The following ZNF468 variants were observed in gnomAD, a reference collection of about 807,000 sequenced individuals.
The protein encoded by ZNF468 is zinc finger protein ZNF468.
Under a neutral mutation model 7.2 loss-of-function variants are expected in ZNF468, and 8 were observed. The observed-to-expected ratio is 1.11, with a 90% confidence interval of 0.65 to 2.01. The LOEUF (loss-of-function observed/expected upper bound fraction) is 2.01, where lower values mean the gene tolerates loss of function less well. ZNF468 is among the 30% of genes most tolerant of loss of function. The pLI is 0.00. For missense variants in ZNF468, 608 were observed against 626.5 expected (o/e 0.97, Z 0.31); for synonymous variants, 218 against 214.4 (o/e 1.02, Z -0.15).
At chr19:52,843,792 T>G (rs528279006) in intron 3 of ZNF468, among the ~76,000 whole-genome samples, 4 of 152,136 alleles carry the variant, frequency 2.6e-5, no homozygotes, top group Non-Finnish European at 5.9e-5. Flanking sequence ...TTCTGATATA[T>G]GAGGTCAAGA....
chr19:52,847,791 T>C (rs2063352912), intron 3 of ZNF468, among the ~76,000 whole-genome samples: 5 of 152,148 alleles, frequency 3.3e-5, no homozygotes, highest in Admixed American at 1.3e-4. Flanking sequence ...GCTCACATGT[T>C]TCCCTGCTGA....
In ZNF468 at chr19:52,854,324, C is replaced by T. The variant is rs746054060; in HGVS notation, c.-52G>A. On this transcript the variant is annotated 5_prime_UTR_variant, in exon 2 of 4. Coordinates refer to ENST00000595646, the MANE Select transcript of ZNF468 (RefSeq NM_001008801.2). ...TCTTCTGGGTTTCTTTCTCACGTACCAACAGTCTTTAGAAGTCAATCCTGA... is the reference window on the plus strand; with the variant it reads ...TCTTCTGGGTTTCTTTCTCACGTACTAACAGTCTTTAGAAGTCAATCCTGA... 11 of 1,612,722 alleles carry T rather than the reference C, an allele frequency of 6.8e-6. No homozygotes were observed. The South Asian group carries it at 9.9e-5, about 14-fold the overall frequency.
In ZNF468 at chr19:52,851,305, G is replaced by A. The variant is rs75369074; in HGVS notation, c.16-2092C>T. ...ACAAACAAACAAAAAAGCTGGGTGA[G>A]GTGGCTCACGCCTGTACTTTCAACA... is the stretch of plus-strand genomic sequence containing the variant. On this transcript the variant is annotated intron_variant, in intron 2 of 3. Transcript: ENST00000595646. Among the ~76,000 whole-genome samples the A allele has an allele frequency of 1.8e-4, 28 of 151,770 alleles. No homozygotes were observed. The East Asian group carries it at 5.3e-3, about 29-fold the overall frequency.
intron 2 of ZNF468, among the ~76,000 whole-genome samples, chr19:52,850,886 G>C (rs113065616): frequency 4.7e-5 from 7 of 150,352 alleles, no homozygotes; most frequent in East Asian, 2.0e-4. Flanking sequence ...GCGACAGAGC[G>C]AGACTCCGTC....
chr19:52,851,118 C>G (rs1568682112), intron 2 of ZNF468, among the ~76,000 whole-genome samples: 1 of 151,378 alleles, frequency 6.6e-6, no homozygotes, highest in African/African-American at 2.4e-5. Context: ...TCTAAAAATA[C>G]AAAAAAAATT....
intron 2 of ZNF468, among the ~76,000 whole-genome samples, chr19:52,852,668 T>G (rs1319758297): frequency 6.6e-6 from 1 of 151,542 alleles, no homozygotes; most frequent in Non-Finnish European, 1.5e-5. Context: ...AGAGTGAGAC[T>G]CCATCTCAAA....
intron 2 of ZNF468, among the ~76,000 whole-genome samples, chr19:52,850,143 T>C (rs114646206): frequency 0.024 from 3,726 of 152,196 alleles, 158 homozygotes; most frequent in African/African-American, 0.084. Flanking sequence ...TATGTACATA[T>C]ATAAAGTTTT....
In ZNF468 at chr19:52,839,530, A is replaced by G; in HGVS notation, c.*1195T>C. ...CTTGATGGTTTGCTATACTCACTGC[A>G]TTTGAAACAACTGTCTCCAAAAGGA... On this transcript the variant is annotated 3_prime_UTR_variant, in exon 4 of 4. Coordinates refer to ENST00000595646, the MANE Select transcript of ZNF468 (RefSeq NM_001008801.2). The G allele has an allele frequency of 1.0e-5, 5 of 493,626 alleles. No individual in the cohort carries two copies. The highest frequency in any genetic ancestry group is 8.0e-5 in the South Asian group (5 of 62,452). 30.6% of individuals were successfully genotyped at this position (493,626 alleles called of 1,614,324 possible). A position where few individuals can be genotyped will look rare whatever the true frequency, so the allele number is the denominator to read the frequency against.
At chr19:52,854,949 G>A (rs577236582) in intron 1 of ZNF468, among the ~76,000 whole-genome samples, 104 of 152,174 alleles carry the variant, frequency 6.8e-4, no homozygotes, top group African/African-American at 2.5e-3. Flanking sequence ...TTGAACCTGC[G>A]CGACCCGAGA....
chr19:52,844,682 G>T (rs554578568), intron 3 of ZNF468, among the ~76,000 whole-genome samples: 24 of 152,166 alleles, frequency 1.6e-4, no homozygotes, highest in African/African-American at 5.3e-4. Flanking sequence ...GGGATTACAG[G>T]TGCACACCAC....
At chr19:52,851,420 C>A (rs945387362) in intron 2 of ZNF468, among the ~76,000 whole-genome samples, 18 of 152,068 alleles carry the variant, frequency 1.2e-4, no homozygotes, top group African/African-American at 4.3e-4. Flanking sequence ...ACTGAAAATA[C>A]CAAAAAATTA....
chr19:52,853,235 A>G (rs2063405439), intron 2 of ZNF468, among the ~76,000 whole-genome samples: 1 of 152,118 alleles, frequency 6.6e-6, no homozygotes, highest in Non-Finnish European at 1.5e-5. Context: ...CAGAACTGAC[A>G]GGAGTGGCTC....
At position 52,842,077 on chromosome 19, in the gene ZNF468, T is replaced by C. The variant is rs750973583; in HGVS notation, c.217A>G (p.Thr73Ala). The C allele has an allele frequency of 6.2e-7, 1 of 1,613,848 alleles. No individual in the cohort carries two copies. Among genetic ancestry groups the C allele is most frequent in the South Asian group, 1.1e-5 (1 of 91,036 alleles). Residue 73 changes from threonine (T) to alanine (A), a missense_variant, in exon 4 of 4, where the codon ACA becomes GCA. Physicochemically the swap from Thr to Ala is moderately conservative, Grantham distance 58. Coordinates refer to ENST00000595646, the MANE Select transcript of ZNF468 (RefSeq NM_001008801.2). Reference sequence around the variant, plus strand: ...TGATGACTTGCTTGTCTGTGCAATGTCCCTGTGTGGATCACTTCTGTATTG... The same window carrying C: ...TGATGACTTGCTTGTCTGTGCAATGCCCCTGTGTGGATCACTTCTGTATTG... Reference protein sequence around the residue: ...QGNTEVIHTGTLHRQASHHIG... With the variant: ...QGNTEVIHTGALHRQASHHIG...
intron 3 of ZNF468, among the ~76,000 whole-genome samples, 153 bp from the exon 4 acceptor site, chr19:52,842,304 T>C (rs2063311006): frequency 6.6e-6 from 1 of 152,184 alleles, no homozygotes; most frequent in Non-Finnish European, 1.5e-5. Context: ...TAAGATTCTT[T>C]AATAAATAAA....
In ZNF468 at chr19:52,840,557, T is replaced by G; in HGVS notation, c.*168A>C. 1 of 1,322,942 alleles carries G rather than the reference T, an allele frequency of 7.6e-7. No individual in the cohort carries two copies. Among genetic ancestry groups the G allele is most frequent in the Non-Finnish European group, 1.1e-6 (1 of 928,022 alleles). 82.0% of individuals were successfully genotyped at this position (1,322,942 alleles called of 1,614,324 possible). On this transcript the variant is annotated 3_prime_UTR_variant, in exon 4 of 4. Transcript: ENST00000595646. ...AAACTTTTGTCACATTCCTCCCATTTGTAAGGTTTCTCTCCAGTATGAAGT... is the reference window on the plus strand; with the variant it reads ...AAACTTTTGTCACATTCCTCCCATTGGTAAGGTTTCTCTCCAGTATGAAGT...
chr19:52,853,970 A>G, intron 2 of ZNF468: 3 of 1,450,848 alleles, frequency 2.1e-6, no homozygotes, highest in Non-Finnish European at 2.7e-6. Context: ...GCCCCTGAAC[A>G]ATCCCTGCTG....
chr19:52,843,839 C>T (rs2063323721), intron 3 of ZNF468, among the ~76,000 whole-genome samples: 2 of 152,048 alleles, frequency 1.3e-5, no homozygotes, highest in African/African-American at 4.8e-5. Flanking sequence ...AATTGACTAG[C>T]GGCCGGGTGC....
intron 1 of ZNF468, among the ~76,000 whole-genome samples, chr19:52,854,638 C>T (rs561151601): frequency 6.0e-4 from 91 of 152,222 alleles, no homozygotes; most frequent in African/African-American, 2.1e-3. Context: ...TCTGTGGTCC[C>T]AGCTACTTAG....
chr19:52,850,695 C>G (rs975564156), intron 2 of ZNF468, among the ~76,000 whole-genome samples: 3 of 151,336 alleles, frequency 2.0e-5, no homozygotes, highest in Non-Finnish European at 4.4e-5. Flanking sequence ...GTCAGGAGAT[C>G]GAGACCATCC....
Sources: gnomAD v4.1 joint callset for allele counts (sites outside exome capture counted in the v4.1 genomes callset) on GRCh38, gnomAD v4.1.1 for gene constraint, MANE v1.5 for transcripts, NCBI Gene and HGNC (gene_info 2026-07-23, HGNC 2026-07-21) for gene names.